Variants in DMRT1 observed in about 807,000 individuals in gnomAD.
DMRT1 encodes the protein doublesex and mab-3 related transcription factor 1.
In DMRT1, 7 loss-of-function variants were observed where a neutral mutation model predicts 32.3. The observed-to-expected ratio is 0.22, with a 90% CI of 0.12 to 0.41. DMRT1 has a LOEUF of 0.41. Among genes scored for constraint, DMRT1 ranks in the 10% least tolerant of loss-of-function variants. The probability of loss-of-function intolerance (pLI) is 1.00; values close to 1 mark genes in which losing one functional copy is unlikely to be tolerated. For missense variants in DMRT1, 625 were observed against 500.5 expected (o/e 1.25, Z -2.37); for synonymous variants, 278 against 206.1 (o/e 1.35, Z -2.99).
chr9:958,512 G>A (rs773478933), intron 4 of DMRT1, among the ~76,000 whole-genome samples: 6 of 151,984 alleles, frequency 3.9e-5, no homozygotes, highest in East Asian at 1.9e-4. Context: ...GATTACAGGC[G>A]CACACCACCA....
In DMRT1 at chr9:903,441, C is replaced by G. The variant is rs149568146; in HGVS notation, c.822+9246C>G. ...AGTCATCATCTGGTTTTTATTACACCTTTCCTTGAAGGAATTGCTGTTTTG... is the reference window on the plus strand; with the variant it reads ...AGTCATCATCTGGTTTTTATTACACGTTTCCTTGAAGGAATTGCTGTTTTG... On this transcript the variant is annotated intron_variant, in intron 3 of 4. Transcript: ENST00000382276. 2.8e-3 allele frequency among the ~76,000 whole-genome samples: 434 copies of G among 152,312 alleles called. 4 individuals are homozygous for G. The highest frequency in any genetic ancestry group is 9.9e-3 in the African/African-American group (411 of 41,574).
intron 4 of DMRT1, among the ~76,000 whole-genome samples, chr9:939,389 T>C (rs1331698633): frequency 6.6e-6 from 1 of 152,202 alleles, no homozygotes; most frequent in Non-Finnish European, 1.5e-5. Flanking sequence ...CAAGTCTTCT[T>C]CTTTAATTAG....
At chr9:870,459 T>G (rs956453321) in intron 2 of DMRT1, among the ~76,000 whole-genome samples, 2 of 152,142 alleles carry the variant, frequency 1.3e-5, no homozygotes, top group African/African-American at 2.4e-5. Flanking sequence ...TGGCCTGTGG[T>G]TGACCTTTTG....
chr9:880,963 G>T (rs182112837), intron 2 of DMRT1, among the ~76,000 whole-genome samples: 1 of 152,158 alleles, frequency 6.6e-6, no homozygotes, highest in South Asian at 2.1e-4. Context: ...GCTGCGATAA[G>T]ATGTAAGGGT....
At chr9:872,546 C>G (rs1408798348) in intron 2 of DMRT1, among the ~76,000 whole-genome samples, 3 of 151,866 alleles carry the variant, frequency 2.0e-5, no homozygotes, top group South Asian at 2.1e-4. Flanking sequence ...TTTGCCTATT[C>G]CAGACATTTC....
At chr9:921,764 C>G (rs1818362240) in intron 4 of DMRT1, among the ~76,000 whole-genome samples, 1 of 152,202 alleles carries the variant, frequency 6.6e-6, no homozygotes, top group African/African-American at 2.4e-5. Context: ...ACCTGTAGTT[C>G]TGACTACTTG....
chr9:927,742 TGTTGTCC>T (rs1219354228), intron 4 of DMRT1, among the ~76,000 whole-genome samples: 2 of 152,230 alleles, frequency 1.3e-5, no homozygotes, highest in African/African-American at 4.8e-5. Flanking sequence ...CCTTCCAAAT[TGTTGTCC>T]GTTGAAATTG....
intron 2 of DMRT1, among the ~76,000 whole-genome samples, chr9:885,818 C>G (rs118024161): frequency 0.018 from 2,787 of 152,234 alleles, 34 homozygotes; most frequent in Non-Finnish European, 0.026. Context: ...CTGCCCACTT[C>G]TGTATCAGAT....
chr9:896,014 A>T (rs1477175377), intron 3 of DMRT1, among the ~76,000 whole-genome samples: 1 of 151,808 alleles, frequency 6.6e-6, no homozygotes. Flanking sequence ...CATGGTGGCC[A>T]CGATGGTCTG....
At chr9:927,491 A>G (rs1175360607) in intron 4 of DMRT1, among the ~76,000 whole-genome samples, 1 of 152,240 alleles carries the variant, frequency 6.6e-6, no homozygotes, top group Non-Finnish European at 1.5e-5. Flanking sequence ...TGGCGTTTAC[A>G]CTAGGAATGA....
At chr9:842,461 C>A (rs533279401) in intron 1 of DMRT1, 40 of 473,824 alleles carry the variant, frequency 8.4e-5, no homozygotes, top group African/African-American at 7.4e-4. Flanking sequence ...GTCTCGAGCT[C>A]CTGACCTCAG....
chr9:870,798 A>G (rs1277264404), intron 2 of DMRT1, among the ~76,000 whole-genome samples: 4 of 134,614 alleles, frequency 3.0e-5, no homozygotes, highest in Admixed American at 8.5e-5. Context: ...TGCACCCTCT[A>G]GTCCTGGGGC....
intron 4 of DMRT1, among the ~76,000 whole-genome samples, chr9:953,917 G>A (rs1434025497): frequency 6.6e-6 from 1 of 152,222 alleles, no homozygotes; most frequent in Non-Finnish European, 1.5e-5. Context: ...CCTCTGGTCT[G>A]TAGGGGAGTC....
chr9:883,336 C>G (rs1048171983), intron 2 of DMRT1, among the ~76,000 whole-genome samples: 1 of 152,072 alleles, frequency 6.6e-6, no homozygotes, highest in Non-Finnish European at 1.5e-5. Flanking sequence ...CATTCCGTGT[C>G]TTGTGCTACA....
At chr9:946,263 G>A (rs1819242121) in intron 4 of DMRT1, among the ~76,000 whole-genome samples, 1 of 151,872 alleles carries the variant, frequency 6.6e-6, no homozygotes, top group African/African-American at 2.4e-5. Context: ...CCCAAGACTG[G>A]CTGCACCTGG....
intron 3 of DMRT1, among the ~76,000 whole-genome samples, chr9:897,768 C>T (rs533705818): frequency 6.6e-6 from 1 of 151,856 alleles, no homozygotes; most frequent in Admixed American, 6.5e-5. Context: ...ACTGTTTGTT[C>T]ATATGTATTT....
At chr9:858,853 CAAAA>C (rs1205538076) in intron 2 of DMRT1, among the ~76,000 whole-genome samples, 41 of 137,682 alleles carry the variant, frequency 3.0e-4, no homozygotes, top group African/African-American at 8.5e-4. Context: ...CAGTCTGTCT[CAAAA>C]AAAAAAAAAA....
chr9:968,076 A>C lies in DMRT1; in HGVS notation c.1059A>C (p.Glu353Asp). 1 of 1,614,196 alleles carries C rather than the reference A, an allele frequency of 6.2e-7. No individual in the cohort carries two copies. The highest frequency in any genetic ancestry group is 8.5e-7 in the Non-Finnish European group (1 of 1,180,048). Residue 353 changes from glutamate to aspartate, a missense_variant, in exon 5 of 5, where the codon GAA becomes GAC. Glu to Asp is a conservative substitution (Grantham distance 45, BLOSUM62 2). This residue lies in a region of DMRT1 where 416 missense variants were observed against 321.6 expected (regional missense o/e 1.29). Transcript: ENST00000382276. Reference protein sequence around the residue: ...ISNKSTKAVLECEPASEPSSF... With the variant: ...ISNKSTKAVLDCEPASEPSSF... ...ACAAGAGCACAAAGGCAGTGCTTGA[A>C]TGTGAGCCTGCGTCGGAGCCCAGCA...
chr9:848,521 T>G (rs1250697646), intron 2 of DMRT1, among the ~76,000 whole-genome samples: 1 of 151,350 alleles, frequency 6.6e-6, no homozygotes, highest in Non-Finnish European at 1.5e-5. Context: ...TAGTATGTCC[T>G]TATAATAGTT....
Sources: gnomAD v4.1 joint callset for allele counts (sites outside exome capture counted in the v4.1 genomes callset) on GRCh38, gnomAD v4.1.1 for gene constraint, gnomAD v4.1.1 regional missense constraint, MANE v1.5 for transcripts, NCBI Gene and HGNC (gene_info 2026-07-23, HGNC 2026-07-21) for gene names.